The following CDH23 variants were observed in gnomAD, a reference collection of about 807,000 sequenced individuals.
CDH23 encodes cadherin related 23.
In CDH23, 189 loss-of-function variants were observed where a neutral mutation model predicts 317.1. That is an observed-to-expected ratio of 0.60 (90% confidence interval 0.53 to 0.67). CDH23 has a LOEUF of 0.67. Ranked by LOEUF, CDH23 falls within the 30% of genes least tolerant of loss-of-function variation. CDH23 has a pLI of 0.00. For synonymous variants in CDH23, 1,839 were observed against 1,876.8 expected (o/e 0.98, Z 0.52); for missense variants, 4,401 against 4,592.4 (o/e 0.96, Z 1.20).
chr10:71,500,438 C>G (rs1289054988), intron 3 of CDH23, among the ~76,000 whole-genome samples: 1 of 152,176 alleles, frequency 6.6e-6, no homozygotes, highest in Non-Finnish European at 1.5e-5. Context: ...AGCCCGCAGC[C>G]CCTTCTCTGA....
At chr10:71,663,387 A>T (rs1345176398) in intron 14 of CDH23, among the ~76,000 whole-genome samples, 1 of 152,198 alleles carries the variant, frequency 6.6e-6, no homozygotes, top group African/African-American at 2.4e-5. Flanking sequence ...CCTGCCGGGA[A>T]TGCCGTCTCC....
Position 71,734,909 on chromosome 10 carries a change from G to A in CDH23, c.4209+251G>A, listed in dbSNP as rs544423905. On this transcript the variant is annotated intron_variant, in intron 34 of 69. Transcript: ENST00000224721. Reference sequence around the variant, plus strand: ...AGGGTCTTGGGTGGGGAGAGTACTAGCAAAGGAGTCACTGGAAGACCACTG... The same window carrying A: ...AGGGTCTTGGGTGGGGAGAGTACTAACAAAGGAGTCACTGGAAGACCACTG... Among the ~76,000 whole-genome samples, 20 of 152,366 alleles carry A rather than the reference G, an allele frequency of 1.3e-4. No homozygotes were observed. In the East Asian group the frequency reaches 2.7e-3, roughly 21 times the overall value.
chr10:71,665,684 G>A (rs796568872), intron 14 of CDH23, among the ~76,000 whole-genome samples: 27 of 152,274 alleles, frequency 1.8e-4, no homozygotes, highest in African/African-American at 6.3e-4. Flanking sequence ...CAGGCACTGC[G>A]GAGAAGGCAT....
At position 71,702,024 on chromosome 10, in the gene CDH23, G is replaced by T. The variant is rs755332087; in HGVS notation, c.2400G>T (p.Val800=). 2 of 1,613,562 alleles carry T rather than the reference G, an allele frequency of 1.2e-6. No homozygotes were observed. The highest frequency in any genetic ancestry group is 8.5e-7 in the Non-Finnish European group (1 of 1,179,858). The change falls in exon 23 of 70, where the codon GTG becomes GTT. Residue 800 remains valine (V), a splice_region_variant and synonymous_variant. Transcript: ENST00000224721. ...GGGGTCTGCTCCCTCCCGGGCAGGT[G>T]GTGGCTGTTGACCCAGACCTGGGGG... The part of the protein sequence containing the change: ...MTPPDSDVTT[V]VAVDPDLGEN...
chr10:71,677,194 G>T (rs912887631), intron 15 of CDH23, among the ~76,000 whole-genome samples: 3 of 152,106 alleles, frequency 2.0e-5, no homozygotes, highest in Non-Finnish European at 4.4e-5. Context: ...ATAGCAGGAG[G>T]GTTGTTCTGC....
chr10:71,402,603 A>G (rs144049168), intron 1 of CDH23, among the ~76,000 whole-genome samples: 1 of 152,244 alleles, frequency 6.6e-6, no homozygotes, highest in South Asian at 2.1e-4. Flanking sequence ...TATCCCTTTG[A>G]CTTACTTATA....
chr10:71,803,139 C>T, intron 54 of CDH23, 64 bp downstream of exon 54: 1 of 1,603,192 alleles, frequency 6.2e-7, no homozygotes, highest in African/African-American at 1.3e-5. Context: ...CCTGCCAGCC[C>T]AGGCCAGGAG....
intron 48 of CDH23, among the ~76,000 whole-genome samples, chr10:71,794,014 T>C (rs1456027215): frequency 6.6e-6 from 1 of 152,320 alleles, no homozygotes; most frequent in Non-Finnish European, 1.5e-5. Context: ...TTTGGCTTTT[T>C]TTTTGAGATG....
chr10:71,756,834 C>T (rs550305669), intron 38 of CDH23, among the ~76,000 whole-genome samples: 1 of 152,314 alleles, frequency 6.6e-6, no homozygotes, highest in Non-Finnish European at 1.5e-5. Context: ...TGCCTTTCCG[C>T]TATTTGTTTG....
intron 22 of CDH23, among the ~76,000 whole-genome samples, chr10:71,699,535 G>A (rs1865509077): frequency 6.6e-6 from 1 of 152,246 alleles, no homozygotes; most frequent in South Asian, 2.1e-4. Flanking sequence ...CACCTGCACT[G>A]GTGTGCGCTG....
intron 6 of CDH23, among the ~76,000 whole-genome samples, chr10:71,536,949 A>G (rs1261627968): frequency 6.6e-6 from 1 of 152,136 alleles, no homozygotes; most frequent in African/African-American, 2.4e-5. Flanking sequence ...AGTCTGGCCT[A>G]TAAAACTGGA....
chr10:71,599,703 G>A (rs1449759936), intron 9 of CDH23, among the ~76,000 whole-genome samples: 1 of 152,212 alleles, frequency 6.6e-6, no homozygotes, highest in African/African-American at 2.4e-5. Flanking sequence ...AGACCAGAGA[G>A]CCACATCTGA....
intron 8 of CDH23, among the ~76,000 whole-genome samples, chr10:71,572,101 C>T (rs1473549771): frequency 6.6e-6 from 1 of 152,208 alleles, no homozygotes; most frequent in Non-Finnish European, 1.5e-5. Flanking sequence ...TCCTTTCCGG[C>T]CTGCTACTGT....
At chr10:71,624,715 A>G (rs1456596776) in intron 11 of CDH23, among the ~76,000 whole-genome samples, 1 of 150,050 alleles carries the variant, frequency 6.7e-6, no homozygotes, top group Non-Finnish European at 1.5e-5. Context: ...GAAAAGAAAA[A>G]GCATACTTTA....
intron 19 of CDH23, among the ~76,000 whole-genome samples, chr10:71,689,075 AGCCAGGG>A (rs1564733972): frequency 4.8e-3 from 666 of 137,586 alleles, no homozygotes; most frequent in Middle Eastern, 8.1e-3. Flanking sequence ...GGGGTGGTGG[AGCCAGGG>A]GTGGTGGAGC....
chr10:71,427,853 C>T (rs1357280222), intron 1 of CDH23, among the ~76,000 whole-genome samples: 1 of 151,708 alleles, frequency 6.6e-6, no homozygotes, highest in Admixed American at 6.6e-5. Context: ...GCTGGGACTG[C>T]AGGCGCATGC....
At chr10:71,615,432 G>T in intron 9 of CDH23, 72 bp from the exon 10 acceptor site, 3 of 985,396 alleles carry the variant, frequency 3.0e-6, no homozygotes, top group Non-Finnish European at 3.2e-6. Flanking sequence ...CCAGCTCCAT[G>T]CCCCCCTGCC....
intron 3 of CDH23, among the ~76,000 whole-genome samples, chr10:71,488,369 C>T (rs1035751932): frequency 9.2e-5 from 14 of 152,190 alleles, no homozygotes; most frequent in Admixed American, 3.9e-4. Context: ...AATCTTTCTG[C>T]GCAGGAGTGA....
intron 28 of CDH23, chr10:71,713,276 G>A (rs756608032): frequency 1.2e-5 from 9 of 779,322 alleles, no homozygotes; most frequent in East Asian, 2.4e-5. Flanking sequence ...GGGAGCAGGC[G>A]CAACAGCTCC....
Sources: gnomAD v4.1 joint callset for allele counts (sites outside exome capture counted in the v4.1 genomes callset) on GRCh38, gnomAD v4.1.1 for gene constraint, MANE v1.5 for transcripts, NCBI Gene and HGNC (gene_info 2026-07-23, HGNC 2026-07-21) for gene names.